Variants in PM20D2 observed in about 807,000 individuals in gnomAD.
PM20D2 encodes the protein xaa-Arg dipeptidase.
In PM20D2, 33 loss-of-function variants were observed where a neutral mutation model predicts 42.9. The observed-to-expected ratio is 0.77, with a 90% CI of 0.58 to 1.03. PM20D2 has a LOEUF of 1.03. Among genes scored for constraint, PM20D2 ranks in the 50% least tolerant of loss-of-function variants. The pLI, the probability that PM20D2 is intolerant of heterozygous loss-of-function variation, is 0.00. For synonymous variants in PM20D2, 250 were observed against 228.2 expected (o/e 1.10, Z -0.86); for missense variants, 548 against 557.0 (o/e 0.98, Z 0.16).
upstream of PM20D2, among the ~76,000 whole-genome samples, chr6:89,145,217 AAAAC>A (rs1199851804): frequency 2.6e-5 from 4 of 152,234 alleles, no homozygotes; most frequent in African/African-American, 9.6e-5. Context: ...ACTCTGGAGA[AAAAC>A]AAGAGCATGA....
the PM20D2 span, among the ~76,000 whole-genome samples, chr6:89,132,919 A>AT: frequency 6.7e-6 from 1 of 150,114 alleles, no homozygotes; most frequent in African/African-American, 2.5e-5. Flanking sequence ...ATTTTTTAGC[A>AT]TTTTAAAAAC....
At chr6:89,103,360 G>A in the PM20D2 span, among the ~76,000 whole-genome samples, 16 of 147,770 alleles carry the variant, frequency 1.1e-4, no homozygotes, top group East Asian at 2.6e-3. Flanking sequence ...ACAGAGTCTC[G>A]CTTTGTCACC....
the PM20D2 span, among the ~76,000 whole-genome samples, chr6:89,101,994 C>T: frequency 8.6e-5 from 13 of 150,442 alleles, no homozygotes; most frequent in Non-Finnish European, 1.3e-4. Flanking sequence ...TGGTACTTCT[C>T]GGTGAGCTGA....
chr6:89,100,384 C>T, the PM20D2 span, among the ~76,000 whole-genome samples: 208 of 152,282 alleles, frequency 1.4e-3, no homozygotes, highest in Non-Finnish European at 1.3e-3. Flanking sequence ...AAACAAGCAG[C>T]TTTAACAACA....
chr6:89,156,730 T>C (rs1234967249), intron 4 of PM20D2, among the ~76,000 whole-genome samples: 1 of 152,176 alleles, frequency 6.6e-6, no homozygotes, highest in African/African-American at 2.4e-5. Flanking sequence ...TACTTTCAGA[T>C]ATGCATGGGA....
chr6:89,117,684 C>A, the PM20D2 span: 1 of 813,860 alleles, frequency 1.2e-6, no homozygotes, highest in Middle Eastern at 4.0e-4. Flanking sequence ...CTCACACCTC[C>A]CCAAGTGGCG....
chr6:89,094,227 T>A, the PM20D2 span, among the ~76,000 whole-genome samples: 1 of 150,138 alleles, frequency 6.7e-6, no homozygotes, highest in Non-Finnish European at 1.5e-5. Flanking sequence ...GCCTCTTTAT[T>A]TTTTTTTATT....
chr6:89,121,210 G>A, the PM20D2 span, among the ~76,000 whole-genome samples: 1 of 152,136 alleles, frequency 6.6e-6, no homozygotes, highest in East Asian at 1.9e-4. Flanking sequence ...TTAAAAGGTA[G>A]CTGGAATTGA....
the PM20D2 span, among the ~76,000 whole-genome samples, chr6:89,115,013 G>C: frequency 6.6e-6 from 1 of 152,100 alleles, no homozygotes; most frequent in South Asian, 2.1e-4. Flanking sequence ...GGCCAGGCTG[G>C]TCTCAAACTC....
the PM20D2 span, among the ~76,000 whole-genome samples, chr6:89,103,942 T>G: frequency 6.6e-6 from 1 of 152,110 alleles, no homozygotes; most frequent in East Asian, 1.9e-4. Flanking sequence ...GTAAATTGAT[T>G]TACATTAACT....
At chr6:89,140,167 C>T in the PM20D2 span, among the ~76,000 whole-genome samples, 1 of 152,150 alleles carries the variant, frequency 6.6e-6, no homozygotes, top group East Asian at 1.9e-4. Flanking sequence ...AGGCTGATCT[C>T]AAACCCCTGA....
rs942701155 is a variant in PM20D2 at position 89,164,950 on chromosome 6, A to C, written c.*2687A>C. 1.1e-4 allele frequency: 16 copies of C among 151,644 alleles called. No homozygotes were observed. The highest frequency in any genetic ancestry group is 1.6e-4 in the Non-Finnish European group (11 of 67,768). 9.4% of individuals were successfully genotyped at this position (151,644 alleles called of 1,614,324 possible). On this transcript the variant is annotated 3_prime_UTR_variant, in exon 7 of 7. Coordinates refer to ENST00000275072, the MANE Select transcript of PM20D2 (RefSeq NM_001010853.3). Reference sequence around the variant, plus strand: ...AAAAAAAAAAAAAAAAAAGAAAAGAAAAGACACTGTTGCATGCCCCAGAAA... The same window carrying C: ...AAAAAAAAAAAAAAAAAAGAAAAGACAAGACACTGTTGCATGCCCCAGAAA...
chr6:89,106,877 T>C, the PM20D2 span: 1 of 471,136 alleles, frequency 2.1e-6, no homozygotes, highest in Non-Finnish European at 4.1e-6. Context: ...TCCAGGTCTT[T>C]ATATCTGTGT....
upstream of PM20D2, among the ~76,000 whole-genome samples, chr6:89,145,872 A>C (rs772373629): frequency 2.1e-4 from 32 of 152,242 alleles, no homozygotes; most frequent in Non-Finnish European, 3.2e-4. Flanking sequence ...CAGAGCAGCC[A>C]AGGAGGTGGA....
chr6:89,107,098 ATG>A, the PM20D2 span: 16 of 1,347,392 alleles, frequency 1.2e-5, no homozygotes, highest in Non-Finnish European at 1.7e-5. Flanking sequence ...GAATACATAT[ATG>A]TATAAGCACG....
chr6:89,131,134 T>C, the PM20D2 span, among the ~76,000 whole-genome samples: 2 of 152,170 alleles, frequency 1.3e-5, 1 homozygote, highest in Admixed American at 1.3e-4. Context: ...GCTAATATGC[T>C]AGCTGAGGTC....
At chr6:89,134,982 G>C in the PM20D2 span, among the ~76,000 whole-genome samples, 1 of 150,932 alleles carries the variant, frequency 6.6e-6, no homozygotes, top group African/African-American at 2.5e-5. Context: ...AGGCAAGGTG[G>C]CTCCCCTAGG....
At chr6:89,155,221 T>C (rs148369347) in intron 4 of PM20D2, among the ~76,000 whole-genome samples, 1 of 151,912 alleles carries the variant, frequency 6.6e-6, no homozygotes, top group African/African-American at 2.4e-5. Flanking sequence ...TATATGTAGT[T>C]TCTATAAAGG....
intron 4 of PM20D2, among the ~76,000 whole-genome samples, chr6:89,157,465 C>T (rs1216568606): frequency 6.6e-6 from 1 of 152,134 alleles, no homozygotes; most frequent in Non-Finnish European, 1.5e-5. Flanking sequence ...AAGCTGCTTC[C>T]GTATCTTTAT....
Sources: allele counts gnomAD v4.1 joint callset (sites outside exome capture counted in the v4.1 genomes callset), GRCh38; gene constraint gnomAD v4.1.1; transcripts MANE v1.5; gene names NCBI Gene and HGNC (gene_info 2026-07-23, HGNC 2026-07-21).